PNMA8B: variants seen among roughly 807,000 people sequenced by gnomAD.
PNMA8B encodes PNMA family member 8B, also known as paraneoplastic antigen-like protein 8B.
For synonymous variants in PNMA8B, 386 were observed against 394.9 expected (o/e 0.98, Z 0.27); for missense variants, 887 against 885.8 (o/e 1.00, Z -0.02).
Position 46,495,631 on chromosome 19 carries a change from T to C in PNMA8B, c.-166A>G, listed in dbSNP as rs781128309. The C allele has an allele frequency of 5.9e-6, 5 of 841,152 alleles. No homozygotes were observed. Among genetic ancestry groups the C allele is most frequent in the East Asian group, 5.4e-5 (2 of 36,822 alleles). 52.1% of individuals were successfully genotyped at this position (841,152 alleles called of 1,614,324 possible). ...AGTGGGGCTCGGGGCTCGGGGGCTC[T>C]AGCTGCCTGCTGGCCGGCTGGACGC... On this transcript the variant is annotated 5_prime_UTR_variant, in exon 1 of 1. Coordinates refer to ENST00000599531, the MANE Select transcript of PNMA8B (RefSeq NM_020709.3).
rs766494906 is a variant in PNMA8B, at chr19:46,494,373, C to G, written c.1093G>C (p.Glu365Gln). The change falls in exon 1 of 1, where the codon GAG becomes CAG. Residue 365 changes from glutamate (E) to glutamine (Q), a missense_variant. Glu to Gln is a conservative substitution (Grantham distance 29). Coordinates refer to ENST00000599531, the MANE Select transcript of PNMA8B (RefSeq NM_020709.3). The stretch of plus-strand genomic sequence containing the variant: ...CGGAGGGGGTCTCGCTTGTCTTTCT[C>G]GTCGCTCCAGCCCAGCGACTCGATA... Reference protein sequence around the residue: ...SVIESLGWSDEKDKRDPLRQV... With the variant: ...SVIESLGWSDQKDKRDPLRQV... 3.7e-6 allele frequency: 6 copies of G among 1,613,232 alleles called. No individual in the cohort carries two copies. In the African/African-American group the frequency reaches 6.7e-5, roughly 18 times the overall value.
In PNMA8B at chr19:46,494,374, G is replaced by A; in HGVS notation, c.1092C>T (p.Asp364=). The A allele has an allele frequency of 6.2e-7, 1 of 1,613,212 alleles. No individual in the cohort carries two copies. The highest frequency in any genetic ancestry group is 8.5e-7 in the Non-Finnish European group (1 of 1,179,868). ...ASVIESLGWS[D]EKDKRDPLRQ... is the part of the protein sequence containing the mutation. ...GGAGGGGGTCTCGCTTGTCTTTCTC[G>A]TCGCTCCAGCCCAGCGACTCGATAA... The change falls in exon 1 of 1, where the codon GAC becomes GAT. Residue 364 remains aspartate (D), a synonymous_variant. Coordinates refer to ENST00000599531, the MANE Select transcript of PNMA8B (RefSeq NM_020709.3).
Position 46,493,462 on chromosome 19 carries a change from C to CGGAGGACAGGAAGAGGGGAGG in PNMA8B, c.*75_*95dup. On this transcript the variant is annotated 3_prime_UTR_variant, in exon 1 of 1. Coordinates refer to ENST00000599531, the MANE Select transcript of PNMA8B (RefSeq NM_020709.3). The surrounding 1 kb of genome is among the most constrained non-coding windows in gnomAD (Gnocchi z 5.3). ...CTGTGAAGCGAGGAGATTGCGTCTG[C>CGGAGGACAGGAAGAGGGGAGG]GGAGGACAGGAAGAGGGGAGGGGAG... is the stretch of plus-strand genomic sequence containing the variant. 1.4e-6 allele frequency: 1 copy of CGGAGGACAGGAAGAGGGGAGG among 724,218 alleles called. No homozygotes were observed. 44.9% of individuals were successfully genotyped at this position (724,218 alleles called of 1,614,324 possible). A position where few individuals can be genotyped will look rare whatever the true frequency, so the allele number is the denominator to read the frequency against.
Position 46,495,039 on chromosome 19 carries a change from C to G in PNMA8B, c.427G>C (p.Val143Leu). ...SETQAQDSGEVTGQAGSLLGA... is the reference protein window; with the variant it reads ...SETQAQDSGELTGQAGSLLGA... ...AGAAGCGAGCCAGCCTGCCCTGTTACCTCCCCAGAATCCTGGGCCTGCGTC... is the reference window on the plus strand; with the variant it reads ...AGAAGCGAGCCAGCCTGCCCTGTTAGCTCCCCAGAATCCTGGGCCTGCGTC... The change falls in exon 1 of 1, where the codon GTA becomes CTA. Residue 143 changes from valine to leucine, a missense_variant. Transcript: ENST00000599531. 6.2e-7 allele frequency: 1 copy of G among 1,610,584 alleles called. No individual in the cohort carries two copies. The highest frequency in any genetic ancestry group is 8.5e-7 in the Non-Finnish European group (1 of 1,179,830).
chr19:46,493,701 C>A lies in PNMA8B; in HGVS notation c.1765G>T (p.Gly589Ter). The change falls in exon 1 of 1, where the codon GGA becomes TGA. Residue 589 changes from glycine to a stop codon, truncating the protein, a stop_gained. Coordinates refer to ENST00000599531, the MANE Select transcript of PNMA8B (RefSeq NM_020709.3). LOFTEE classifies it low-confidence loss of function (END_TRUNC). The surrounding 1 kb of genome is among the most constrained non-coding windows in gnomAD (Gnocchi z 5.3). ...GCGCTCCCCTTCTTCTTCCTGCTTC[C>A]TGCGGCGTCGTCCTGGGCCGAGCCC... ...SRGSAQDDAA[G>*]SRKKKGSAGA... 6.5e-7 allele frequency: 1 copy of A among 1,535,766 alleles called. No individual in the cohort carries two copies.
chr19:46,495,053 T>G lies in PNMA8B; in HGVS notation c.413A>C (p.Gln138Pro). 1 of 1,611,318 alleles carries G rather than the reference T, an allele frequency of 6.2e-7. No individual in the cohort carries two copies. Among genetic ancestry groups the G allele is most frequent in the Non-Finnish European group, 8.5e-7 (1 of 1,179,786 alleles). Reference protein sequence around the residue: ...PTPPASETQAQDSGEVTGQAG... With the variant: ...PTPPASETQAPDSGEVTGQAG... ...CTGCCCTGTTACCTCCCCAGAATCC[T>G]GGGCCTGCGTCTCCGAAGCGGGAGG... Residue 138 changes from glutamine (Q) to proline (P), a missense_variant, in exon 1 of 1, where the codon CAG (glutamine) becomes CCG (proline). By Grantham distance (76) the Gln-to-Pro change is moderately conservative. Coordinates refer to ENST00000599531, the MANE Select transcript of PNMA8B (RefSeq NM_020709.3).
Position 46,492,287 on chromosome 19 carries a change from C to T in PNMA8B, c.*1271G>A, listed in dbSNP as rs1224010921. On this transcript the variant is annotated 3_prime_UTR_variant, in exon 1 of 1. Transcript: ENST00000599531. ...GAAGGCATGAATGAAGGTGGGGTCC[C>T]GTGGAGACTGATATTTAGGTAAAAA... The T allele has an allele frequency of 3.2e-5, 9 of 283,702 alleles. No homozygotes were observed. The highest frequency in any genetic ancestry group is 6.7e-4 in the Middle Eastern group (1 of 1,502). The allele number at this position is 283,702 out of a possible 1,614,324, so 17.6% of individuals were successfully genotyped here. A position where few individuals can be genotyped will look rare whatever the true frequency, so the allele number is the denominator to read the frequency against.
Position 46,495,339 on chromosome 19 carries a change from G to A in PNMA8B, c.127C>T (p.Leu43Phe), listed in dbSNP as rs754085682. The A allele has an allele frequency of 3.9e-6, 5 of 1,290,728 alleles. No individual in the cohort carries two copies. Among genetic ancestry groups the A allele is most frequent in the East Asian group, 4.6e-5 (2 of 43,444 alleles). The allele number at this position is 1,290,728 out of a possible 1,614,324, so 80.0% of individuals were successfully genotyped here. A position where few individuals can be genotyped will look rare whatever the true frequency, so the allele number is the denominator to read the frequency against. The change falls in exon 1 of 1, where the codon CTC becomes TTC. Residue 43 changes from leucine to phenylalanine, a missense_variant. By Grantham distance (22) the Leu-to-Phe change is conservative. Transcript: ENST00000599531. Reference protein sequence around the residue: ...ADVEAVLQPTLLPLGTFRLRH... With the variant: ...ADVEAVLQPTFLPLGTFRLRH... ...AACCTGAACGTGCCCAGGGGCAGGA[G>A]GGTCGGCTGCAGGACGGCTTCGACG... is the stretch of plus-strand genomic sequence containing the variant.
rs1970013700 is a variant in PNMA8B at position 46,492,245 on chromosome 19, C to T, written c.*1313G>A. 8.1e-6 allele frequency: 3 copies of T among 369,084 alleles called. No individual in the cohort carries two copies. Among genetic ancestry groups the T allele is most frequent in the South Asian group, 5.8e-5 (3 of 51,448 alleles). The allele number at this position is 369,084 out of a possible 1,614,324, so 22.9% of individuals were successfully genotyped here. The stretch of plus-strand genomic sequence containing the variant: ...GGAAATTGGGACGAGGAAGCACACA[C>T]ATTGCCCCAGGGACAAGAAGGCATG... On this transcript the variant is annotated 3_prime_UTR_variant, in exon 1 of 1. Transcript: ENST00000599531.
rs2147482692 is a variant in PNMA8B at position 46,492,219 on chromosome 19, T to G, written c.*1339A>C. 2 of 382,250 alleles carry G rather than the reference T, an allele frequency of 5.2e-6. No individual in the cohort carries two copies. The highest frequency in any genetic ancestry group is 1.6e-4 in the East Asian group (2 of 12,416). The allele number at this position is 382,250 out of a possible 1,614,324, so 23.7% of individuals were successfully genotyped here. ...CGATGGGCTCCTCACTGCCAGGGAA[T>G]GGAAATTGGGACGAGGAAGCACACA... is the stretch of plus-strand genomic sequence containing the variant. On this transcript the variant is annotated 3_prime_UTR_variant, in exon 1 of 1. Coordinates refer to ENST00000599531, the MANE Select transcript of PNMA8B (RefSeq NM_020709.3).
Position 46,494,986 on chromosome 19 carries a change from G to T in PNMA8B, c.480C>A (p.Gly160=). The T allele has an allele frequency of 6.2e-7, 1 of 1,608,688 alleles. No individual in the cohort carries two copies. The change falls in exon 1 of 1, where the codon GGC becomes GGA. Residue 160 remains glycine, a synonymous_variant. Transcript: ENST00000599531. ...TGGTTCTGTTTCTGCGACCCCGACG[G>T]CCCCTCCTTGGGTTCCTGGCTGCCC... ...LLGAARNPRR[G]RRGRRNRTRR... is the part of the protein sequence containing the mutation.
Position 46,495,522 on chromosome 19 carries a change from G to A in PNMA8B, c.-57C>T. On this transcript the variant is annotated 5_prime_UTR_variant, in exon 1 of 1. Coordinates refer to ENST00000599531, the MANE Select transcript of PNMA8B (RefSeq NM_020709.3). ...AGCAGGGAGCCCGAGATAGGGGTGG[G>A]CTGCAGCGCACGGTGTCAATGCAAC... The A allele has an allele frequency of 6.5e-7, 1 of 1,535,234 alleles. No homozygotes were observed. The highest frequency in any genetic ancestry group is 2.0e-5 in the Admixed American group (1 of 49,572).
chr19:46,493,825 C>T lies in PNMA8B; in HGVS notation c.1641G>A (p.Pro547=). The T allele has an allele frequency of 7.2e-7, 1 of 1,391,060 alleles. No homozygotes were observed. The highest frequency in any genetic ancestry group is 9.3e-7 in the Non-Finnish European group (1 of 1,077,386). 86.2% of individuals were successfully genotyped at this position (1,391,060 alleles called of 1,614,324 possible). A position where few individuals can be genotyped will look rare whatever the true frequency, so the allele number is the denominator to read the frequency against. ...RARTAPRGLT[P]AGAPPTASGA... is the part of the protein sequence containing the mutation. ...CGGAAGCGGTGGGAGGCGCGCCGGCCGGAGTCAGGCCCCTGGGGGCCGTGC... is the reference window on the plus strand; with the variant it reads ...CGGAAGCGGTGGGAGGCGCGCCGGCTGGAGTCAGGCCCCTGGGGGCCGTGC... The change falls in exon 1 of 1, where the codon CCG becomes CCA. Residue 547 remains proline, a synonymous_variant. Coordinates refer to ENST00000599531, the MANE Select transcript of PNMA8B (RefSeq NM_020709.3). The surrounding 1 kb of genome is among the most constrained non-coding windows in gnomAD (Gnocchi z 5.3).
At position 46,494,642 on chromosome 19, in the gene PNMA8B, GCC is replaced by G; in HGVS notation, c.822_823del (p.Ala275ArgfsTer54). 6.2e-7 allele frequency: 1 copy of G among 1,614,008 alleles called. No individual in the cohort carries two copies. Among genetic ancestry groups the G allele is most frequent in the Non-Finnish European group, 8.5e-7 (1 of 1,179,882 alleles). On this transcript the variant is annotated frameshift_variant, in exon 1 of 1. Coordinates refer to ENST00000599531, the MANE Select transcript of PNMA8B (RefSeq NM_020709.3). LOFTEE classifies it low-confidence loss of function (END_TRUNC). Reference sequence around the variant, plus strand: ...TTTGGTGTTCAAGCGGATGGATTCGGCCCCAGCTGGCTCCTTCTCTGCCTCTT... The same window carrying G: ...TTTGGTGTTCAAGCGGATGGATTCGGCCAGCTGGCTCCTTCTCTGCCTCTT...
chr19:46,494,026 G>T lies in PNMA8B; in HGVS notation c.1440C>A (p.Pro480=). Reference sequence around the variant, plus strand: ...CCAATACCTCCCCCAGTTTGCCTTTGGGGTATTTGTACTTCCCGCCTTCCC... The same window carrying T: ...CCAATACCTCCCCCAGTTTGCCTTTTGGGTATTTGTACTTCCCGCCTTCCC... ...NAWEGGKYKY[P]KGKLGEVLAL... is the part of the protein sequence containing the mutation. The change falls in exon 1 of 1, where the codon CCC becomes CCA. Residue 480 remains proline, a synonymous_variant. Transcript: ENST00000599531. The T allele has an allele frequency of 1.2e-6, 2 of 1,613,722 alleles. No homozygotes were observed. The highest frequency in any genetic ancestry group is 1.7e-6 in the Non-Finnish European group (2 of 1,179,862).
chr19:46,494,040 T>C lies in PNMA8B; in HGVS notation c.1426A>G (p.Lys476Glu). 2 of 1,613,378 alleles carry C rather than the reference T, an allele frequency of 1.2e-6. No individual in the cohort carries two copies. The highest frequency in any genetic ancestry group is 2.2e-5 in the South Asian group (2 of 91,064). ...EEKENAWEGG[K>E]YKYPKGKLGE... Reference sequence around the variant, plus strand: ...AGTTTGCCTTTGGGGTATTTGTACTTCCCGCCTTCCCAGGCGTTTTCTTTT... The same window carrying C: ...AGTTTGCCTTTGGGGTATTTGTACTCCCCGCCTTCCCAGGCGTTTTCTTTT... The change falls in exon 1 of 1, where the codon AAG becomes GAG. Residue 476 changes from lysine to glutamate, a missense_variant. Coordinates refer to ENST00000599531, the MANE Select transcript of PNMA8B (RefSeq NM_020709.3).
At position 46,495,176 on chromosome 19, in the gene PNMA8B, G is replaced by T; in HGVS notation, c.290C>A (p.Ala97Glu). ...CTGCCTCAGGACCCTCGTGTCCTGC[G>T]CACGGTCCTTCCACAGAACCCTCCA... ...GVWRVLWKDR[A>E]QDTRVLRQMR... Residue 97 changes from alanine to glutamate, a missense_variant, in exon 1 of 1, where the codon GCG becomes GAG. Ala to Glu is a moderately radical substitution (Grantham distance 107). Coordinates refer to ENST00000599531, the MANE Select transcript of PNMA8B (RefSeq NM_020709.3). 1 of 1,613,924 alleles carries T rather than the reference G, an allele frequency of 6.2e-7. No homozygotes were observed. The highest frequency in any genetic ancestry group is 8.5e-7 in the Non-Finnish European group (1 of 1,179,832).
rs1970063438 is a variant in PNMA8B at position 46,494,650 on chromosome 19, T to C, written c.816A>G (p.Pro272=). The C allele has an allele frequency of 6.2e-7, 1 of 1,614,058 alleles. No homozygotes were observed. The highest frequency in any genetic ancestry group is 8.5e-7 in the Non-Finnish European group (1 of 1,179,886). ...KSKKEEAEKE[P]AGAESIRLNT... is the part of the protein sequence containing the mutation. ...TCAAGCGGATGGATTCGGCCCCAGC[T>C]GGCTCCTTCTCTGCCTCTTCTTTCT... Residue 272 remains proline, a synonymous_variant, in exon 1 of 1, where the codon CCA becomes CCG. Coordinates refer to ENST00000599531, the MANE Select transcript of PNMA8B (RefSeq NM_020709.3).
Position 46,494,578 on chromosome 19 carries a change from C to T in PNMA8B, c.888G>A (p.Leu296=). The change falls in exon 1 of 1, where the codon CTG becomes CTA. Residue 296 remains leucine, a synonymous_variant. Transcript: ENST00000599531. ...KNGVPDLVAL[L]AVRDTPDEEP... is the part of the protein sequence containing the mutation. ...CCTCGTCCGGGGTGTCTCTCACAGC[C>T]AGCAGGGCCACTAAGTCGGGGACAC... 6 of 1,614,050 alleles carry T rather than the reference C, an allele frequency of 3.7e-6. No individual in the cohort carries two copies. Among genetic ancestry groups the T allele is most frequent in the East Asian group, 2.2e-5 (1 of 44,888 alleles).
Sources: gnomAD v4.1 joint callset for allele counts on GRCh38, gnomAD v4.1.1 for gene constraint, Gnocchi (gnomAD v3.1) non-coding constraint, MANE v1.5 for transcripts, NCBI Gene and HGNC (gene_info 2026-07-23, HGNC 2026-07-21) for gene names.